ANK1: variants seen among roughly 807,000 people sequenced by gnomAD.
ANK1 encodes the protein ankyrin-1.
In ANK1, 51 loss-of-function variants were observed where a neutral mutation model predicts 210.4. The ratio of observed to expected loss-of-function variants is 0.24; its 90% CI spans 0.19 to 0.31. The LOEUF (loss-of-function observed/expected upper bound fraction) is 0.31. Among genes scored for constraint, ANK1 ranks in the 10% least tolerant of loss-of-function variants. The pLI is 1.00. For missense variants in ANK1, 2,051 were observed against 2,504.4 expected (o/e 0.82, Z 3.86); for synonymous variants, 967 against 1,025.9 (o/e 0.94, Z 1.10).
chr8:41,709,127 A>AACAG (rs1431292798), intron 16 of ANK1, 152 bp from the exon 17 acceptor site: 1 of 782,394 alleles, frequency 1.3e-6, no homozygotes, highest in Admixed American at 2.2e-5. Flanking sequence ...TAAACAAACA[A>AACAG]ACAAACAAAA....
At chr8:41,806,826 T>TTA (rs1325277991) in intron 1 of ANK1, among the ~76,000 whole-genome samples, 1 of 152,170 alleles carries the variant, frequency 6.6e-6, no homozygotes, top group Non-Finnish European at 1.5e-5. Flanking sequence ...GATTGTCCAG[T>TTA]TTATAGATGT....
chr8:41,677,234 C>T (rs1228349693), intron 37 of ANK1, among the ~76,000 whole-genome samples: 1 of 152,090 alleles, frequency 6.6e-6, no homozygotes, highest in East Asian at 1.9e-4. Flanking sequence ...TGCAGGTCTT[C>T]TCTTTTTTCA....
intron 2 of ANK1, among the ~76,000 whole-genome samples, chr8:41,743,573 G>A (rs1835318075): frequency 1.3e-5 from 2 of 152,168 alleles, no homozygotes; most frequent in African/African-American, 4.8e-5. Context: ...TGCCCTGCAG[G>A]GCATGGGCAG....
intron 1 of ANK1, among the ~76,000 whole-genome samples, chr8:41,846,027 A>G (rs1293787592): frequency 5.9e-5 from 9 of 152,204 alleles, no homozygotes; most frequent in Non-Finnish European, 1.3e-4. Context: ...ATGGAAGCTG[A>G]TAATTCTTGA....
chr8:41,788,070 G>A (rs927773602), intron 1 of ANK1, among the ~76,000 whole-genome samples: 1 of 152,230 alleles, frequency 6.6e-6, no homozygotes, highest in South Asian at 2.1e-4. Context: ...ACACCAGGCA[G>A]TGAGACTCAT....
In ANK1 at chr8:41,717,616, G is replaced by T. The variant is rs377436685; in HGVS notation, c.1293C>A (p.Asn431Lys). The T allele has an allele frequency of 6.4e-7, 1 of 1,551,486 alleles. No homozygotes were observed. The highest frequency in any genetic ancestry group is 2.4e-5 in the East Asian group (1 of 40,910). Residue 431 changes from asparagine to lysine, a missense_variant, in exon 12 of 43, where the codon AAC (asparagine) becomes AAA (lysine). Asn to Lys is a moderately conservative substitution (Grantham distance 94). Around this residue, in one of 6 missense-constraint regions of ANK1, gnomAD observed 1,413 missense variants for 1,707.4 expected, o/e 0.83. Coordinates refer to ENST00000289734, the MANE Select transcript of ANK1 (RefSeq NM_000037.4). The part of the protein sequence containing the change: ...KNLLQRGASP[N>K]VSNVKVETPL... ...CCTGAGGGCTTACCACGTTGGAGAC[G>T]TTGGGCGACGCCCCCCGCTGCAGGA...
At position 41,696,669 on chromosome 8, in the gene ANK1, C is replaced by A. The variant is rs1195790305; in HGVS notation, c.2735+7G>T. ...AGGAGTCCCCGAGCCCTGCGCCCGC[C>A]ACTCACCCTGTATGCACCGGGCTGG... On this transcript the variant is annotated splice_region_variant and intron_variant, in intron 25 of 42. Coordinates refer to ENST00000289734, the MANE Select transcript of ANK1 (RefSeq NM_000037.4). The A allele has an allele frequency of 3.1e-6, 5 of 1,605,004 alleles. No individual in the cohort carries two copies. The highest frequency in any genetic ancestry group is 4.2e-6 in the Non-Finnish European group (5 of 1,179,908).
chr8:41,696,524 G>A lies in ANK1; in HGVS notation c.2799C>T (p.Gly933=), dbSNP rs752186182. ...TCCGTGGCGGGATCACCACTCGCAGGCCGTTGTGGCGACTTCCTCTCATGG... is the reference window on the plus strand; with the variant it reads ...TCCGTGGCGGGATCACCACTCGCAGACCGTTGTGGCGACTTCCTCTCATGG... ...GGSMRGSRHN[G]LRVVIPPRTC... is the part of the protein sequence containing the mutation. The change falls in exon 26 of 43, where the codon GGC becomes GGT. Residue 933 remains glycine, a synonymous_variant. Coordinates refer to ENST00000289734, the MANE Select transcript of ANK1 (RefSeq NM_000037.4). The A allele has an allele frequency of 6.2e-7, 1 of 1,613,740 alleles. No homozygotes were observed. The highest frequency in any genetic ancestry group is 8.5e-7 in the Non-Finnish European group (1 of 1,180,022).
chr8:41,675,059 C>T (rs1252369480), intron 37 of ANK1, among the ~76,000 whole-genome samples: 5 of 152,196 alleles, frequency 3.3e-5, no homozygotes, highest in Non-Finnish European at 7.4e-5. Flanking sequence ...ATTACTCTTG[C>T]GAGCATTTTA....
Position 41,664,728 on chromosome 8 carries a change from C to T in ANK1, c.5395-986G>A, listed in dbSNP as rs546358485. 1.5e-4 allele frequency: 210 copies of T among 1,425,998 alleles called. 1 individual carries two copies. The African/African-American group carries it at 2.7e-3, about 19-fold the overall frequency. The allele number at this position is 1,425,998 out of a possible 1,614,324, so 88.3% of individuals were successfully genotyped here. A position where few individuals can be genotyped will look rare whatever the true frequency, so the allele number is the denominator to read the frequency against. On this transcript the variant is annotated intron_variant, in intron 39 of 42. Coordinates refer to ENST00000289734, the MANE Select transcript of ANK1 (RefSeq NM_000037.4). ...TCTCCCAACTCTGGGTCCGGAGCTC[C>T]CCACAGCAGCGTCCCCTCAGCCCCG...
intron 1 of ANK1, among the ~76,000 whole-genome samples, chr8:41,806,231 A>G (rs749032125): frequency 3.9e-5 from 6 of 152,164 alleles, no homozygotes; most frequent in South Asian, 2.1e-4. Context: ...CCAGAGTATG[A>G]TAGACTGGAC....
At chr8:41,676,979 A>G (rs573597990) in intron 37 of ANK1, among the ~76,000 whole-genome samples, 1 of 152,066 alleles carries the variant, frequency 6.6e-6, no homozygotes, top group South Asian at 2.1e-4. Flanking sequence ...CTGGGCATGG[A>G]CTTTTCTTTG....
intron 21 of ANK1, among the ~76,000 whole-genome samples, chr8:41,701,844 G>C (rs576384827): frequency 6.6e-6 from 1 of 152,208 alleles, no homozygotes; most frequent in Non-Finnish European, 1.5e-5. Context: ...ACTGCTGCCC[G>C]GAAAGCTGGT....
At chr8:41,776,567 G>C (rs1844095530) in intron 1 of ANK1, among the ~76,000 whole-genome samples, 1 of 152,162 alleles carries the variant, frequency 6.6e-6, no homozygotes, top group Admixed American at 6.6e-5. Flanking sequence ...CTCCAAGAAA[G>C]GATAATGAGG....
chr8:41,795,335 A>C (rs936670554), intron 1 of ANK1, among the ~76,000 whole-genome samples: 12 of 152,052 alleles, frequency 7.9e-5, no homozygotes, highest in African/African-American at 2.7e-4. Context: ...CAACATGGTG[A>C]GACTGAGACT....
At chr8:41,879,264 C>A (rs1817165221) in intron 1 of ANK1, among the ~76,000 whole-genome samples, 2 of 152,002 alleles carry the variant, frequency 1.3e-5, no homozygotes, top group Non-Finnish European at 2.9e-5. Context: ...GGATCACCTC[C>A]TCGGGGGTTG....
chr8:41,714,231 C>T lies in ANK1; in HGVS notation c.1725G>A (p.Val575=), dbSNP rs370616969. ...TGTCCAGGTTGTTGTGATGGACGGC[C>T]ACGTGCAGGGGGGTCAGGCCATTCT... is the stretch of plus-strand genomic sequence containing the variant. ...AGKNGLTPLH[V]AVHHNNLDIV... Residue 575 remains valine, a synonymous_variant, in exon 16 of 43, where the codon GTG becomes GTA. Transcript: ENST00000289734. 93 of 1,545,054 alleles carry T rather than the reference C, an allele frequency of 6.0e-5. No individual in the cohort carries two copies. The highest frequency in any genetic ancestry group is 3.5e-4 in the Middle Eastern group (2 of 5,770).
chr8:41,821,826 T>C (rs2150789649), intron 1 of ANK1, among the ~76,000 whole-genome samples: 1 of 152,242 alleles, frequency 6.6e-6, no homozygotes, highest in South Asian at 2.1e-4. Flanking sequence ...GGTGAGTGGA[T>C]CACCTGAGGT....
chr8:41,718,731 T>TG (rs1276010737), intron 10 of ANK1, among the ~76,000 whole-genome samples: 1 of 152,060 alleles, frequency 6.6e-6, no homozygotes, highest in African/African-American at 2.4e-5. Context: ...GAGGTGGTGG[T>TG]GGGGGGGTAT....
Sources: gnomAD v4.1 joint callset for allele counts (sites outside exome capture counted in the v4.1 genomes callset) on GRCh38, gnomAD v4.1.1 for gene constraint, gnomAD v4.1.1 regional missense constraint, MANE v1.5 for transcripts, NCBI Gene and HGNC (gene_info 2026-07-23, HGNC 2026-07-21) for gene names.